RUSF1: variants seen among roughly 807,000 people sequenced by gnomAD.
RUSF1 encodes RUS family member 1.
Under a neutral mutation model 63.0 loss-of-function variants are expected in RUSF1, and 58 were observed. The observed-to-expected ratio is 0.92, with a 90% confidence interval of 0.75 to 1.15. The LOEUF (loss-of-function observed/expected upper bound fraction) is 1.15. RUSF1 is among the 50% of genes most tolerant of loss of function. The pLI is 0.00. For synonymous variants in RUSF1, 274 were observed against 255.8 expected (o/e 1.07, Z -0.68); for missense variants, 652 against 611.0 (o/e 1.07, Z -0.71).
rs986941443 is a variant in RUSF1 at position 31,493,955 on chromosome 16, A to C, written c.703-19T>G. 1 of 1,612,988 alleles carries C rather than the reference A, an allele frequency of 6.2e-7. No individual in the cohort carries two copies. ...GCGTCTCCTGGAAAATGGCAGAGGG[A>C]GAAGGAGTTGGAAGGTGCCCCTCCA... is the stretch of plus-strand genomic sequence containing the variant. On this transcript the variant is annotated intron_variant, in intron 6 of 12. Transcript: ENST00000327237.
chr16:31,500,771 T>C (rs2082629244), intron 2 of RUSF1, 40 bp from the exon 3 acceptor site: 2 of 1,588,548 alleles, frequency 1.3e-6, no homozygotes, highest in Non-Finnish European at 1.7e-6. Flanking sequence ...AAGGAAGAGG[T>C]GTGGGAGCTG....
chr16:31,495,204 G>T (rs984823791), intron 6 of RUSF1, among the ~76,000 whole-genome samples: 1 of 152,168 alleles, frequency 6.6e-6, no homozygotes, highest in African/African-American at 2.4e-5. Flanking sequence ...CATGAGGGAG[G>T]AGTCTGGATT....
rs1188721313 is a variant in RUSF1 at position 31,490,323 on chromosome 16, G to A, written c.*512C>T. The stretch of plus-strand genomic sequence containing the variant: ...ATTTCCCTCAGAGCCCCAGGCCCCG[G>A]CACCAAGCCTCTTCCGCCAGTGCCT... On this transcript the variant is annotated 3_prime_UTR_variant, in exon 13 of 13. Coordinates refer to ENST00000327237, the MANE Select transcript of RUSF1 (RefSeq NM_022744.4). 2 of 1,612,070 alleles carry A rather than the reference G, an allele frequency of 1.2e-6. No homozygotes were observed. The highest frequency in any genetic ancestry group is 8.5e-7 in the Non-Finnish European group (1 of 1,179,286).
chr16:31,503,373 T>TA (rs2082642044), intron 2 of RUSF1, among the ~76,000 whole-genome samples: 1 of 152,234 alleles, frequency 6.6e-6, no homozygotes, highest in Non-Finnish European at 1.5e-5. Context: ...AAATGAATAA[T>TA]GGCAGCTAAC....
chr16:31,499,568 AAC>A (rs1405705670), intron 3 of RUSF1, 43 bp from the exon 4 acceptor site: 1 of 1,561,880 alleles, frequency 6.4e-7, no homozygotes, highest in Non-Finnish European at 8.7e-7. Flanking sequence ...CTTAAGGAGA[AAC>A]ACATCCTATG....
chr16:31,501,413 A>G (rs971613568), intron 2 of RUSF1, among the ~76,000 whole-genome samples: 3 of 152,246 alleles, frequency 2.0e-5, no homozygotes, highest in South Asian at 4.1e-4. Context: ...TGGGCAACAC[A>G]GCAAGACCCC....
Position 31,489,955 on chromosome 16 carries a change from TG to T in RUSF1, c.*879del. On this transcript the variant is annotated 3_prime_UTR_variant, in exon 13 of 13. Transcript: ENST00000327237. ...GAGGGCACAGGGCAGCCATGTAGGG[TG>T]GAGTTGGCATGAGTTAAGCCTGGGC... 2 of 997,560 alleles carry T rather than the reference TG, an allele frequency of 2.0e-6. No individual in the cohort carries two copies. The highest frequency in any genetic ancestry group is 3.1e-6 in the Non-Finnish European group (2 of 650,280). 61.8% of individuals were successfully genotyped at this position (997,560 alleles called of 1,614,324 possible). A position where few individuals can be genotyped will look rare whatever the true frequency, so the allele number is the denominator to read the frequency against.
chr16:31,508,035 T>A, intron 1 of RUSF1, 39 bp downstream of exon 1: 2 of 1,563,716 alleles, frequency 1.3e-6, no homozygotes, highest in Middle Eastern at 1.7e-4. Context: ...GAGGGAGGAG[T>A]GGCCTGCACT....
At chr16:31,498,247 C>T (rs1306782121) in intron 5 of RUSF1, among the ~76,000 whole-genome samples, 2 of 152,068 alleles carry the variant, frequency 1.3e-5, no homozygotes, top group East Asian at 1.9e-4. Context: ...GTTCCATTCC[C>T]TTGTTGGACA....
intron 5 of RUSF1, among the ~76,000 whole-genome samples, chr16:31,498,767 G>A (rs995606176): frequency 6.6e-6 from 1 of 152,076 alleles, no homozygotes; most frequent in Non-Finnish European, 1.5e-5. Context: ...CGGAACACCC[G>A]CCCTGCACCT....
intron 2 of RUSF1, among the ~76,000 whole-genome samples, chr16:31,506,219 T>G (rs2082657927): frequency 6.6e-6 from 1 of 152,210 alleles, no homozygotes; most frequent in Non-Finnish European, 1.5e-5. Context: ...TGCACACCAT[T>G]GAAAATACTG....
chr16:31,507,158 G>A (rs1199709393), intron 2 of RUSF1, among the ~76,000 whole-genome samples: 1 of 152,216 alleles, frequency 6.6e-6, no homozygotes, highest in Non-Finnish European at 1.5e-5. Context: ...AGTGGCAAAA[G>A]CCATGGGGCC....
In RUSF1 at chr16:31,493,645, G is replaced by C. The variant is rs1447374564; in HGVS notation, c.916C>G (p.Leu306Val). ...LKHYLQRGEV[L>V]DPTAANRMEP... ...ATGCGATTGGCTGCAGTTGGGTCGA[G>C]TACCTCTCCCCTCTGAAGGTAGTGC... Residue 306 changes from leucine (L) to valine (V), a missense_variant, in exon 8 of 13, where the codon CTC (leucine) becomes GTC (valine). Leu to Val is a conservative substitution (Grantham distance 32). Coordinates refer to ENST00000327237, the MANE Select transcript of RUSF1 (RefSeq NM_022744.4). The C allele has an allele frequency of 1.9e-6, 3 of 1,614,230 alleles. No individual in the cohort carries two copies. Among genetic ancestry groups the C allele is most frequent in the Non-Finnish European group, 2.5e-6 (3 of 1,180,036 alleles).
At position 31,490,895 on chromosome 16, in the gene RUSF1, C is replaced by G. The variant is rs1353761394; in HGVS notation, c.1347G>C (p.Gln449His). The G allele has an allele frequency of 1.2e-6, 2 of 1,614,196 alleles. No homozygotes were observed. Among genetic ancestry groups the G allele is most frequent in the East Asian group, 2.2e-5 (1 of 44,880 alleles). The change falls in exon 13 of 13, where the codon CAG becomes CAC. Residue 449 changes from glutamine (Q) to histidine (H), a missense_variant. Physicochemically the swap from Gln to His is conservative, Grantham distance 24. Coordinates refer to ENST00000327237, the MANE Select transcript of RUSF1 (RefSeq NM_022744.4). ...QDAGWKTEKH[Q>H]LEVDEWRATW... ...TGGCCCTCCACTCATCCACCTCTAG[C>G]TGGTGCTTCTCGGTCTTCCAGCCGG...
In RUSF1 at chr16:31,493,540, G is replaced by A. The variant is rs764559234; in HGVS notation, c.959-16C>T. On this transcript the variant is annotated splice_polypyrimidine_tract_variant and intron_variant, in intron 8 of 12. Coordinates refer to ENST00000327237, the MANE Select transcript of RUSF1 (RefSeq NM_022744.4). ...GGCCAGAAACCTGTGGGAAGCTGGG[G>A]TCAGGATGCCTAGGCAGTGGGAGAG... 6 of 1,614,112 alleles carry A rather than the reference G, an allele frequency of 3.7e-6. 1 individual carries two copies. The East Asian group carries it at 1.3e-4, about 36-fold the overall frequency.
chr16:31,504,718 C>A lies in RUSF1; in HGVS notation c.415+3046G>T, dbSNP rs2082649560. The stretch of plus-strand genomic sequence containing the variant: ...GTTCTTGTAGGGAAAAGAAAGAGAT[C>A]AGACTGTTACTGTGTCTATGTAGAA... On this transcript the variant is annotated intron_variant, in intron 2 of 12. Coordinates refer to ENST00000327237, the MANE Select transcript of RUSF1 (RefSeq NM_022744.4). 2.6e-5 allele frequency among the ~76,000 whole-genome samples: 4 copies of A among 152,328 alleles called. No individual in the cohort carries two copies. The South Asian group carries it at 8.3e-4, about 32-fold the overall frequency.
intron 11 of RUSF1, 27 bp from the exon 12 acceptor site, chr16:31,492,113 G>A: frequency 3.7e-6 from 6 of 1,614,086 alleles, no homozygotes; most frequent in Non-Finnish European, 4.2e-6. Context: ...AGAACCAGAA[G>A]CTCTGTGTCC....
chr16:31,493,571 GAC>G, intron 8 of RUSF1, 30 bp downstream of exon 8: 3 of 1,614,192 alleles, frequency 1.9e-6, no homozygotes, highest in Non-Finnish European at 2.5e-6. Flanking sequence ...GAGAGGTTGA[GAC>G]ACAGGACCCG....
chr16:31,493,150 T>C (rs1480024874), intron 9 of RUSF1, 102 bp from the exon 10 acceptor site: 23 of 1,220,924 alleles, frequency 1.9e-5, no homozygotes, highest in Non-Finnish European at 2.7e-5. Context: ...TGATCCAGGC[T>C]TCACTCAGGT....
Sources: gnomAD v4.1 joint callset for allele counts (sites outside exome capture counted in the v4.1 genomes callset) on GRCh38, gnomAD v4.1.1 for gene constraint, MANE v1.5 for transcripts, NCBI Gene and HGNC (gene_info 2026-07-23, HGNC 2026-07-21) for gene names.